The following MINK1 variants were observed in gnomAD, a reference collection of about 807,000 sequenced individuals.
MINK1 encodes misshapen-like kinase 1.
Under a neutral mutation model 178.4 loss-of-function variants are expected in MINK1, and 46 were observed. The ratio of observed to expected loss-of-function variants is 0.26; its 90% CI spans 0.20 to 0.33. The LOEUF (loss-of-function observed/expected upper bound fraction) is 0.33. Ranked by LOEUF, MINK1 falls within the 10% of genes least tolerant of loss-of-function variation. MINK1 has a pLI of 1.00. For synonymous variants in MINK1, 797 were observed against 709.7 expected (o/e 1.12, Z -1.96); for missense variants, 1,366 against 1,814.9 (o/e 0.75, Z 4.49).
In MINK1 at chr17:4,861,262, C is replaced by A. The variant is rs556684218; in HGVS notation, c.58-17055C>A. Among the ~76,000 whole-genome samples the A allele has an allele frequency of 2.6e-5, 4 of 152,314 alleles. No individual in the cohort carries two copies. In the South Asian group the frequency reaches 8.3e-4, roughly 32 times the overall value. On this transcript the variant is annotated intron_variant, in intron 1 of 31. Coordinates refer to ENST00000355280, the MANE Select transcript of MINK1 (RefSeq NM_153827.5). ...CCAGTGCCTTGCATTGTATGCGGAG[C>A]TGCGAGAGACGAGACATCTACCAAG...
At chr17:4,889,624 A>G in intron 12 of MINK1, 23 bp from the exon 13 acceptor site, 1 of 1,562,990 alleles carries the variant, frequency 6.4e-7, no homozygotes, top group Non-Finnish European at 8.7e-7. Flanking sequence ...ATGGTTCTTA[A>G]GACCACCTGG....
At chr17:4,890,903 G>A (rs1414252447) in intron 14 of MINK1, 48 bp from the exon 15 acceptor site, 2 of 1,550,590 alleles carry the variant, frequency 1.3e-6, no homozygotes, top group East Asian at 2.4e-5. Flanking sequence ...TCAGTTTTGA[G>A]AACAGGGAGG....
chr17:4,888,690 C>CTTTTTT (rs35392409), intron 12 of MINK1, among the ~76,000 whole-genome samples: 1 of 87,884 alleles, frequency 1.1e-5, no homozygotes, highest in South Asian at 3.5e-4. Context: ...AAAGTCCTAT[C>CTTTTTT]TTTTTTTTTT....
intron 1 of MINK1, among the ~76,000 whole-genome samples, chr17:4,855,968 C>G (rs538223466): frequency 1.5e-4 from 22 of 149,052 alleles, no homozygotes; most frequent in African/African-American, 5.4e-4. Flanking sequence ...AAGCGAGACT[C>G]TATCTCAAAA....
chr17:4,840,485 G>A (rs1184222708), intron 1 of MINK1, among the ~76,000 whole-genome samples: 1 of 151,618 alleles, frequency 6.6e-6, no homozygotes, highest in African/African-American at 2.4e-5. Context: ...CTGGGGGAGG[G>A]ACTCTGGGTC....
rs544525710 is a variant in MINK1, at chr17:4,894,058, C to T, written c.2635C>T (p.Pro879Ser). ...CGTCGAGGAGATCACCGGGACCCAGCCCCCATACGGGGGCGGCACCATGGT... is the reference window on the plus strand; with the variant it reads ...CGTCGAGGAGATCACCGGGACCCAGTCCCCATACGGGGGCGGCACCATGGT... ...HDVEEITGTQ[P>S]PYGGGTMVVQ... is the part of the protein sequence containing the mutation. The change falls in exon 22 of 32, where the codon CCC becomes TCC. Residue 879 changes from proline to serine, a missense_variant. Coordinates refer to ENST00000355280, the MANE Select transcript of MINK1 (RefSeq NM_153827.5). This position sits in a 1 kb window ranked among gnomAD's most constrained non-coding sequence, Gnocchi z 4.1. The T allele has an allele frequency of 6.3e-7, 1 of 1,588,906 alleles. No individual in the cohort carries two copies. Among genetic ancestry groups the T allele is most frequent in the Non-Finnish European group, 8.6e-7 (1 of 1,166,080 alleles).
Position 4,886,872 on chromosome 17 carries a change from C to T in MINK1, c.950-238C>T, listed in dbSNP as rs1413418627. On this transcript the variant is annotated intron_variant, in intron 10 of 31. Transcript: ENST00000355280. This position sits in a 1 kb window ranked among gnomAD's most constrained non-coding sequence, Gnocchi z 6.1. ...CCTTACAAAAACTCCATGCTAAGCA[C>T]ATGTGTGTGCGAGCACAAGCACAGG... 6.6e-6 allele frequency among the ~76,000 whole-genome samples: 1 copy of T among 152,252 alleles called. No homozygotes were observed. The highest frequency in any genetic ancestry group is 1.5e-5 in the Non-Finnish European group (1 of 68,042).
rs546220410 is a variant in MINK1 at position 4,855,785 on chromosome 17, A to G, written c.57+22145A>G. 2.7e-3 allele frequency among the ~76,000 whole-genome samples: 403 copies of G among 150,372 alleles called. 1 individual carries two copies. Among genetic ancestry groups the G allele is most frequent in the African/African-American group, 9.5e-3 (389 of 41,004 alleles). Reference sequence around the variant, plus strand: ...ACTCCGTCTCAAAAAAAAAAAAAAAAAAGAAAGAAACCCCATCTCTACTAA... The same window carrying G: ...ACTCCGTCTCAAAAAAAAAAAAAAAGAAGAAAGAAACCCCATCTCTACTAA... On this transcript the variant is annotated intron_variant, in intron 1 of 31. Transcript: ENST00000355280.
chr17:4,848,437 T>C (rs1257938332), intron 1 of MINK1, among the ~76,000 whole-genome samples: 1 of 152,326 alleles, frequency 6.6e-6, no homozygotes, highest in East Asian at 1.9e-4. Context: ...CTCGGCTCAC[T>C]GCAAACTCCG....
At chr17:4,892,372 C>A in intron 17 of MINK1, 30 bp from the exon 18 acceptor site, 1 of 1,512,768 alleles carries the variant, frequency 6.6e-7, no homozygotes, top group Non-Finnish European at 8.9e-7. Flanking sequence ...CCCCCGCCGC[C>A]CCCTCGGCAC....
rs1467742970 is a variant in MINK1, at chr17:4,833,683, G to A, written c.57+43G>A. 3 of 1,437,986 alleles carry A rather than the reference G, an allele frequency of 2.1e-6. No individual in the cohort carries two copies. Among genetic ancestry groups the A allele is most frequent in the Non-Finnish European group, 2.8e-6 (3 of 1,090,248 alleles). The allele number at this position is 1,437,986 out of a possible 1,614,324, so 89.1% of individuals were successfully genotyped here. A position where few individuals can be genotyped will look rare whatever the true frequency, so the allele number is the denominator to read the frequency against. ...CAGCCTCGCCCTGGTTCCTGTCCCC[G>A]CCGCAGGGGAGGGAGCGGGGTGGCT... On this transcript the variant is annotated intron_variant, in intron 1 of 31. Transcript: ENST00000355280. The surrounding 1 kb of genome is among the most constrained non-coding windows in gnomAD (Gnocchi z 4.8).
chr17:4,894,529 A>G lies in MINK1; in HGVS notation c.2813A>G (p.Gln938Arg). 6.3e-7 allele frequency: 1 copy of G among 1,597,918 alleles called. No individual in the cohort carries two copies. The highest frequency in any genetic ancestry group is 8.5e-7 in the Non-Finnish European group (1 of 1,171,896). Residue 938 changes from glutamine (Q) to arginine (R), a missense_variant, in exon 24 of 32, where the codon CAG becomes CGG. Gln to Arg is a conservative substitution (Grantham distance 43). Transcript: ENST00000355280. This position sits in a 1 kb window ranked among gnomAD's most constrained non-coding sequence, Gnocchi z 4.1. ...PPSKDGSGDY[Q>R]SRGLVKAPGK... ...ACTGCTGTCCCCCTACCACAGTACC[A>G]GTCTCGTGGGCTGGTAAAGGCCCCT...
Position 4,887,497 on chromosome 17 carries a change from C to T in MINK1, c.1020-83C>T, listed in dbSNP as rs1968325885. On this transcript the variant is annotated intron_variant, in intron 11 of 31. Coordinates refer to ENST00000355280, the MANE Select transcript of MINK1 (RefSeq NM_153827.5). This position sits in a 1 kb window ranked among gnomAD's most constrained non-coding sequence, Gnocchi z 7.6. ...CAGAGGCTTTGATCCAGTTAAAGCA[C>T]CCACTCAGGCGGGCCCACGGGGTTG... is the stretch of plus-strand genomic sequence containing the variant. 1.5e-6 allele frequency: 2 copies of T among 1,290,956 alleles called. No homozygotes were observed. The highest frequency in any genetic ancestry group is 2.1e-6 in the Non-Finnish European group (2 of 957,138). 80.0% of individuals were successfully genotyped at this position (1,290,956 alleles called of 1,614,324 possible). A position where few individuals can be genotyped will look rare whatever the true frequency, so the allele number is the denominator to read the frequency against.
Position 4,894,260 on chromosome 17 carries a change from C to T in MINK1, c.2757C>T (p.Pro919=). ...LPDVVQPSHS[P]TENSKGQSPP... is the part of the protein sequence containing the mutation. ...ACGTGGTCCAGCCCAGCCACTCACC[C>T]ACCGAGAACAGCAAAGGCCAAAGCC... Residue 919 remains proline, a synonymous_variant, in exon 23 of 32, where the codon CCC becomes CCT. Transcript: ENST00000355280. This position sits in a 1 kb window ranked among gnomAD's most constrained non-coding sequence, Gnocchi z 4.1. 1 of 1,613,358 alleles carries T rather than the reference C, an allele frequency of 6.2e-7. No individual in the cohort carries two copies. The highest frequency in any genetic ancestry group is 8.5e-7 in the Non-Finnish European group (1 of 1,179,850).
intron 2 of MINK1, among the ~76,000 whole-genome samples, chr17:4,880,179 C>T (rs1462641451): frequency 1.3e-5 from 2 of 152,166 alleles, no homozygotes; most frequent in African/African-American, 2.4e-5. Flanking sequence ...ACTTGGAAGT[C>T]CACTGTAGGT....
chr17:4,897,978 T>TCTCC lies in MINK1; in HGVS notation c.*697_*700dup, dbSNP rs1555545672. The TCTCC allele has an allele frequency of 1.5e-4, 22 of 145,618 alleles. No homozygotes were observed. Among genetic ancestry groups the TCTCC allele is most frequent in the African/African-American group, 5.2e-4 (21 of 40,060 alleles). 9.0% of individuals were successfully genotyped at this position (145,618 alleles called of 1,614,324 possible). Reference sequence around the variant, plus strand: ...TATAGTGTGAGCAGCAAGTAACCCTTCTCCCTCCCCCCCCACCCCTCCTCA... The same window carrying TCTCC: ...TATAGTGTGAGCAGCAAGTAACCCTTCTCCCTCCCTCCCCCCCCACCCCTCCTCA... On this transcript the variant is annotated 3_prime_UTR_variant, in exon 32 of 32. Coordinates refer to ENST00000355280, the MANE Select transcript of MINK1 (RefSeq NM_153827.5).
chr17:4,873,911 C>T (rs1966933249), intron 1 of MINK1, among the ~76,000 whole-genome samples: 1 of 152,012 alleles, frequency 6.6e-6, no homozygotes, highest in Non-Finnish European at 1.5e-5. Context: ...TGAGCCATCA[C>T]GCCCAACCCT....
Position 4,886,109 on chromosome 17 carries a change from T to C in MINK1, c.695-11T>C. ...AGTGAAAGGGACTGAGGGTGTCTCC[T>C]CTGTGTCCAGCTCTGTGTGACATGC... On this transcript the variant is annotated splice_polypyrimidine_tract_variant and intron_variant, in intron 8 of 31. Transcript: ENST00000355280. This position sits in a 1 kb window ranked among gnomAD's most constrained non-coding sequence, Gnocchi z 6.1. The C allele has an allele frequency of 6.2e-7, 1 of 1,613,832 alleles. No homozygotes were observed. Among genetic ancestry groups the C allele is most frequent in the Non-Finnish European group, 8.5e-7 (1 of 1,179,782 alleles).
intron 1 of MINK1, among the ~76,000 whole-genome samples, chr17:4,861,914 G>A (rs552755958): frequency 2.6e-5 from 4 of 152,328 alleles, no homozygotes; most frequent in Admixed American, 6.5e-5. Context: ...TACCCCACAT[G>A]CTCACTATGC....
Sources: gnomAD v4.1 joint callset for allele counts (sites outside exome capture counted in the v4.1 genomes callset) on GRCh38, gnomAD v4.1.1 for gene constraint, Gnocchi (gnomAD v3.1) non-coding constraint, MANE v1.5 for transcripts, NCBI Gene and HGNC (gene_info 2026-07-23, HGNC 2026-07-21) for gene names.